CACNA1C: variants seen among roughly 807,000 people sequenced by gnomAD.
CACNA1C encodes the protein calcium voltage-gated channel subunit alpha1 C.
Under a neutral mutation model 229.0 loss-of-function variants are expected in CACNA1C, and 30 were observed. The observed-to-expected ratio is 0.13, with a 90% CI of 0.10 to 0.18. The LOEUF is 0.18. Ranked by LOEUF, CACNA1C falls within the 10% of genes least tolerant of loss-of-function variation. CACNA1C has a pLI of 1.00. For synonymous variants in CACNA1C, 1,114 were observed against 1,132.5 expected, an observed-to-expected ratio of 0.98 and a Z score of 0.33; for missense variants, 1,658 against 2,845.0, an observed-to-expected ratio of 0.58 and a Z score of 9.49.
intron 1 of CACNA1C, among the ~76,000 whole-genome samples, chr12:2,012,965 G>A (rs924315911): frequency 2.6e-5 from 4 of 152,210 alleles, no homozygotes; most frequent in African/African-American, 4.8e-5. Context: ...AAATATTTCT[G>A]AGTGACTTTA....
At chr12:2,470,523 T>C (rs1355654343) in intron 5 of CACNA1C, among the ~76,000 whole-genome samples, 2 of 152,216 alleles carry the variant, frequency 1.3e-5, no homozygotes, top group East Asian at 3.9e-4. Flanking sequence ...TCTCTCGTGC[T>C]GATTCATGAC....
At chr12:2,094,715 G>A (rs1442595057) in intron 1 of CACNA1C, among the ~76,000 whole-genome samples, 13 of 152,186 alleles carry the variant, frequency 8.5e-5, no homozygotes, top group Admixed American at 7.2e-4. Flanking sequence ...ACTCAAAAAA[G>A]TGACTCAAGA....
chr12:2,158,378 C>A (rs2095656398), intron 3 of CACNA1C, among the ~76,000 whole-genome samples: 1 of 152,068 alleles, frequency 6.6e-6, no homozygotes, highest in Admixed American at 6.6e-5. Flanking sequence ...GAGTTCGAGA[C>A]CAGCCTGGGC....
intron 34 of CACNA1C, among the ~76,000 whole-genome samples, chr12:2,655,846 C>A (rs1160235191): frequency 6.6e-6 from 1 of 152,194 alleles, no homozygotes; most frequent in African/African-American, 2.4e-5. Context: ...AAAAGACCCA[C>A]ATGATCATCT....
intron 8 of CACNA1C, among the ~76,000 whole-genome samples, chr12:2,508,376 G>A (rs985842727): frequency 1.3e-5 from 2 of 152,252 alleles, no homozygotes; most frequent in East Asian, 1.9e-4. Flanking sequence ...TCAGGGCTGC[G>A]CATGGTGGCT....
chr12:2,331,676 G>A (rs1032330103), intron 3 of CACNA1C, among the ~76,000 whole-genome samples: 11 of 152,230 alleles, frequency 7.2e-5, no homozygotes, highest in African/African-American at 2.7e-4. Flanking sequence ...ACTAACAAAT[G>A]TGGACACGCC....
intron 38 of CACNA1C, among the ~76,000 whole-genome samples, chr12:2,673,231 T>C (rs574454714): frequency 6.6e-6 from 1 of 151,822 alleles, no homozygotes; most frequent in East Asian, 2.0e-4. Flanking sequence ...ATCCCAGCAC[T>C]TTGGGAGGCT....
rs1300504845 is a variant in CACNA1C at position 1,971,828 on chromosome 12, T to C, written c.139+627T>C. Among the ~76,000 whole-genome samples the C allele has an allele frequency of 6.6e-6, 1 of 152,244 alleles. No homozygotes were observed. Among genetic ancestry groups the C allele is most frequent in the Non-Finnish European group, 1.5e-5 (1 of 68,036 alleles). ...AATATTTCTGTTTGATCTGTTCTTT[T>C]AAGATATTTATAATTTGTTTTATAT... On this transcript the variant is annotated intron_variant, in intron 1 of 46. Transcript: ENST00000682462. This position sits in a 1 kb window ranked among gnomAD's most constrained non-coding sequence, Gnocchi z 4.2.
rs138470879 is a variant in CACNA1C at position 2,680,883 on chromosome 12, C to T, written c.5444+1087C>T. Reference sequence around the variant, plus strand: ...CAATTCATGAGGCCTGCACTGCTGCCTTCTGTGTGCACAGGGCAGTGTGCT... The same window carrying T: ...CAATTCATGAGGCCTGCACTGCTGCTTTCTGTGTGCACAGGGCAGTGTGCT... On this transcript the variant is annotated intron_variant, in intron 42 of 46. Transcript: ENST00000399655. Among the ~76,000 whole-genome samples the T allele has an allele frequency of 8.3e-3, 1,272 of 152,336 alleles. 21 individuals carry two copies. The highest frequency in any genetic ancestry group is 0.028 in the African/African-American group (1,177 of 41,580).
chr12:2,292,589 C>T (rs1015540136), intron 3 of CACNA1C, among the ~76,000 whole-genome samples: 3 of 152,198 alleles, frequency 2.0e-5, no homozygotes, highest in African/African-American at 7.2e-5. Flanking sequence ...CTTCATGTAT[C>T]CAATCAACAG....
At chr12:2,004,139 A>C in intron 1 of CACNA1C, 12 of 1,150,016 alleles carry the variant, frequency 1.0e-5, no homozygotes, top group East Asian at 2.8e-5. Flanking sequence ...CCATCTCCAC[A>C]ACTTCGGCCT....
chr12:2,200,070 A>G (rs1018775465), intron 3 of CACNA1C, among the ~76,000 whole-genome samples: 3 of 152,208 alleles, frequency 2.0e-5, no homozygotes, highest in Non-Finnish European at 4.4e-5. Context: ...CCGTATCCTT[A>G]GCACTGAGCA....
chr12:2,296,356 CAA>C (rs1340021717), intron 3 of CACNA1C, among the ~76,000 whole-genome samples: 1 of 152,200 alleles, frequency 6.6e-6, no homozygotes, highest in Admixed American at 6.5e-5. Flanking sequence ...CTTGCAGATC[CAA>C]AAGACAGGTC....
At chr12:2,462,882 C>T (rs2154566129) in intron 5 of CACNA1C, among the ~76,000 whole-genome samples, 1 of 150,726 alleles carries the variant, frequency 6.6e-6, no homozygotes, top group Admixed American at 6.6e-5. Context: ...AATTCTAGAC[C>T]AATAGTGTTA....
rs902752666 is a variant in CACNA1C, at chr12:2,653,566, C to A, written c.4075-269C>A. 6.6e-6 allele frequency among the ~76,000 whole-genome samples: 1 copy of A among 152,026 alleles called. No homozygotes were observed. The highest frequency in any genetic ancestry group is 1.5e-5 in the Non-Finnish European group (1 of 67,990). On this transcript the variant is annotated intron_variant, in intron 32 of 46. Coordinates refer to ENST00000399655, the MANE Select transcript of CACNA1C (RefSeq NM_000719.7). This position sits in a 1 kb window ranked among gnomAD's most constrained non-coding sequence, Gnocchi z 4.7. ...ATGTGTAGTCGGAGGAGGTTTTGCTCGTTCTTGATTGTTTTGCCCAGGTAG... is the reference window on the plus strand; with the variant it reads ...ATGTGTAGTCGGAGGAGGTTTTGCTAGTTCTTGATTGTTTTGCCCAGGTAG...
chr12:2,311,621 A>G (rs1436566541), intron 3 of CACNA1C, among the ~76,000 whole-genome samples: 3 of 152,230 alleles, frequency 2.0e-5, no homozygotes, highest in Admixed American at 6.5e-5. Context: ...AAGGGCAGGC[A>G]GGAACCTCTT....
intron 3 of CACNA1C, among the ~76,000 whole-genome samples, chr12:2,219,985 G>A (rs886377457): frequency 1.3e-5 from 2 of 152,150 alleles, no homozygotes; most frequent in African/African-American, 2.4e-5. Context: ...GAGAACCCAA[G>A]CTGCTTTCCA....
chr12:2,085,732 C>G (rs1252954886), intron 1 of CACNA1C, among the ~76,000 whole-genome samples: 1 of 152,154 alleles, frequency 6.6e-6, no homozygotes. Flanking sequence ...TACTGTGTCA[C>G]CAGGAAACAA....
rs2074798460 is a variant in CACNA1C, at chr12:2,605,309, C to T, written c.3048+141C>T. On this transcript the variant is annotated intron_variant, in intron 23 of 46. Transcript: ENST00000399655. This position sits in a 1 kb window ranked among gnomAD's most constrained non-coding sequence, Gnocchi z 6.2. ...GGGGTCCCGGACACTGGTCCCACTG[C>T]ATGTCCCGGTTCCGTAATGAACAGA... 4.7e-6 allele frequency: 3 copies of T among 642,340 alleles called. No homozygotes were observed. The East Asian group carries it at 8.1e-5, about 17-fold the overall frequency. The allele number at this position is 642,340 out of a possible 1,614,324, so 39.8% of individuals were successfully genotyped here.
Sources: allele counts gnomAD v4.1 joint callset (sites outside exome capture counted in the v4.1 genomes callset), GRCh38; gene constraint gnomAD v4.1.1; non-coding constraint Gnocchi (gnomAD v3.1); transcripts MANE v1.5; gene names NCBI Gene and HGNC (gene_info 2026-07-23, HGNC 2026-07-21).